CPNE7: variants seen among roughly 807,000 people sequenced by gnomAD.
CPNE7 encodes copine-7.
Under a neutral mutation model 66.5 loss-of-function variants are expected in CPNE7, and 78 were observed. The observed-to-expected ratio is 1.17, with a 90% CI of 0.98 to 1.42. The LOEUF is 1.42. CPNE7 is among the 40% of genes most tolerant of loss of function. The pLI is 0.00. For synonymous variants in CPNE7, 468 were observed against 336.7 expected, an observed-to-expected ratio of 1.39 and a Z score of -4.27; for missense variants, 1,012 against 776.6, an observed-to-expected ratio of 1.30 and a Z score of -3.60.
intron 2 of CPNE7, among the ~76,000 whole-genome samples, chr16:89,579,491 C>T (rs1012085883): frequency 5.3e-5 from 8 of 151,526 alleles, no homozygotes; most frequent in African/African-American, 1.5e-4. Context: ...TCCGATCACC[C>T]GTCACACGGA....
chr16:89,595,768 C>T, intron 14 of CPNE7, 165 bp downstream of exon 14: 2 of 747,426 alleles, frequency 2.7e-6, no homozygotes, highest in Non-Finnish European at 4.8e-6. Context: ...GTATCTGAAG[C>T]CAGGACTTTG....
intron 2 of CPNE7, chr16:89,583,485 T>C (rs1466242676): frequency 6.4e-7 from 1 of 1,553,578 alleles, no homozygotes; most frequent in Non-Finnish European, 8.7e-7. Flanking sequence ...GCTGGCGCCG[T>C]GAGGTGGTGG....
At chr16:89,588,428 C>A (rs1305773255) in intron 9 of CPNE7, among the ~76,000 whole-genome samples, 1 of 152,132 alleles carries the variant, frequency 6.6e-6, no homozygotes, top group African/African-American at 2.4e-5. Flanking sequence ...CCCCACAAGG[C>A]CAGGGTGATC....
rs1171356635 is a variant in CPNE7, at chr16:89,584,629, T to A, written c.508-145T>A. The A allele has an allele frequency of 1.5e-6, 1 of 657,032 alleles. No homozygotes were observed. Among genetic ancestry groups the A allele is most frequent in the African/African-American group, 1.8e-5 (1 of 55,988 alleles). The allele number at this position is 657,032 out of a possible 1,614,324, so 40.7% of individuals were successfully genotyped here. Reference sequence around the variant, plus strand: ...GGCGGGAGGGAGGGACGAGATGCTGTCGGCGGGGACTGGCTGCCTCGTTTT... The same window carrying A: ...GGCGGGAGGGAGGGACGAGATGCTGACGGCGGGGACTGGCTGCCTCGTTTT... On this transcript the variant is annotated intron_variant, in intron 4 of 14. Transcript: ENST00000319518. The surrounding 1 kb of genome is among the most constrained non-coding windows in gnomAD (Gnocchi z 6.0).
rs2059007900 is a variant in CPNE7 at position 89,584,680 on chromosome 16, G to C, written c.508-94G>C. 6 of 875,880 alleles carry C rather than the reference G, an allele frequency of 6.9e-6. No individual in the cohort carries two copies. In the Admixed American group the frequency reaches 1.2e-4, roughly 18 times the overall value. The allele number at this position is 875,880 out of a possible 1,614,324, so 54.3% of individuals were successfully genotyped here. A position where few individuals can be genotyped will look rare whatever the true frequency, so the allele number is the denominator to read the frequency against. ...GTGCCTGAGGAATTAGCGGCTGGTG[G>C]CATGAAGTGAGCCCTGGGAAACGAC... On this transcript the variant is annotated intron_variant, in intron 4 of 14. Transcript: ENST00000319518. This position sits in a 1 kb window ranked among gnomAD's most constrained non-coding sequence, Gnocchi z 6.0.
chr16:89,589,398 T>C (rs2059135982), intron 10 of CPNE7, among the ~76,000 whole-genome samples: 2 of 152,188 alleles, frequency 1.3e-5, no homozygotes, highest in South Asian at 4.1e-4. Context: ...TTTGCCAGAA[T>C]AGCAAACCGA....
At position 89,585,457 on chromosome 16, in the gene CPNE7, C is replaced by A. The variant is rs770889768; in HGVS notation, c.592-7C>A. On this transcript the variant is annotated splice_polypyrimidine_tract_variant and splice_region_variant and intron_variant, in intron 5 of 14. Transcript: ENST00000319518. ...CCTCCCCTGAGCCAGCCCCTCCCGG[C>A]CCACAGGTGGTGAAGAACAACCTGA... 1.2e-6 allele frequency: 2 copies of A among 1,608,106 alleles called. No homozygotes were observed. Among genetic ancestry groups the A allele is most frequent in the African/African-American group, 1.3e-5 (1 of 74,854 alleles).
chr16:89,587,173 G>A (rs1383865145), intron 9 of CPNE7, 71 bp downstream of exon 9: 1 of 625,850 alleles, frequency 1.6e-6, no homozygotes, highest in Non-Finnish European at 2.3e-6. Flanking sequence ...CCCTCAGTCC[G>A]TGGCCCCGCC....
chr16:89,587,050 G>A lies in CPNE7; in HGVS notation c.875G>A (p.Arg292Lys), dbSNP rs1304813383. Reference sequence around the variant, plus strand: ...GACTCCGCCGGCCGGAAGTTCCACAGGGTGTACTCCTTCCTGGACTATATC... The same window carrying A: ...GACTCCGCCGGCCGGAAGTTCCACAAGGTGTACTCCTTCCTGGACTATATC... ...VVVLADLKFH[R>K]VYSFLDYIMG... Residue 292 changes from arginine to lysine, a missense_variant, in exon 9 of 15, where the codon AGG becomes AAG. Arg to Lys is a conservative substitution (Grantham distance 26, BLOSUM62 2). Coordinates refer to ENST00000319518, the MANE Select transcript of CPNE7 (RefSeq NM_153636.3). 1.9e-6 allele frequency: 3 copies of A among 1,580,710 alleles called. No homozygotes were observed. Among genetic ancestry groups the A allele is most frequent in the Middle Eastern group, 1.7e-4 (1 of 5,900 alleles).
intron 8 of CPNE7, 99 bp from the exon 9 acceptor site, chr16:89,586,944 A>G: frequency 7.8e-7 from 1 of 1,277,750 alleles, no homozygotes; most frequent in Non-Finnish European, 1.1e-6. Context: ...GTGGCACCCC[A>G]GAGGGACTGG....
chr16:89,575,831 G>A lies in CPNE7; in HGVS notation c.-67G>A, dbSNP rs1438886700. The A allele has an allele frequency of 1.8e-6, 2 of 1,097,260 alleles. No individual in the cohort carries two copies. Among genetic ancestry groups the A allele is most frequent in the Non-Finnish European group, 2.2e-6 (2 of 896,596 alleles). The allele number at this position is 1,097,260 out of a possible 1,614,324, so 68.0% of individuals were successfully genotyped here. On this transcript the variant is annotated 5_prime_UTR_variant, in exon 1 of 15. Transcript: ENST00000319518. ...GGCCGGCCACCATTTCCCGGGCGCC[G>A]CGGCGGCGCCGACTCGCGGGCAGCG...
intron 9 of CPNE7, chr16:89,587,413 C>G (rs1363114757): frequency 5.9e-6 from 2 of 337,388 alleles, no homozygotes; most frequent in Admixed American, 3.3e-5. Flanking sequence ...TCCCCGTGAG[C>G]CGATGTCTCC....
chr16:89,584,909 C>G lies in CPNE7; in HGVS notation c.591+52C>G. On this transcript the variant is annotated intron_variant, in intron 5 of 14. Coordinates refer to ENST00000319518, the MANE Select transcript of CPNE7 (RefSeq NM_153636.3). This position sits in a 1 kb window ranked among gnomAD's most constrained non-coding sequence, Gnocchi z 6.0. ...GGAGGGGAAGGGGCTGTCCCCAGCCCTCACGCATCTCTGGCCACATGGGAG... is the reference window on the plus strand; with the variant it reads ...GGAGGGGAAGGGGCTGTCCCCAGCCGTCACGCATCTCTGGCCACATGGGAG... 1.3e-6 allele frequency: 2 copies of G among 1,493,846 alleles called. No homozygotes were observed. The highest frequency in any genetic ancestry group is 1.9e-6 in the Non-Finnish European group (2 of 1,076,004). 92.5% of individuals were successfully genotyped at this position (1,493,846 alleles called of 1,614,324 possible). A position where few individuals can be genotyped will look rare whatever the true frequency, so the allele number is the denominator to read the frequency against.
At chr16:89,583,471 G>C (rs142648138) in intron 2 of CPNE7, 3 of 1,551,292 alleles carry the variant, frequency 1.9e-6, no homozygotes, top group Middle Eastern at 1.7e-4. Context: ...TCCCCTGGGC[G>C]ACTGCTGGCG....
chr16:89,582,963 C>T (rs1287016292), intron 2 of CPNE7, among the ~76,000 whole-genome samples: 2 of 152,228 alleles, frequency 1.3e-5, no homozygotes, highest in African/African-American at 4.8e-5. Flanking sequence ...GGGCCGTGTG[C>T]CCCCGTCCTG....
At chr16:89,590,643 C>G (rs903914891) in intron 11 of CPNE7, among the ~76,000 whole-genome samples, 2 of 151,034 alleles carry the variant, frequency 1.3e-5, no homozygotes, top group Non-Finnish European at 2.9e-5. Context: ...AGGTCTGCCT[C>G]CCTCTCTGTT....
Position 89,575,989 on chromosome 16 carries a change from G to C in CPNE7, c.92G>C (p.Arg31Pro), listed in dbSNP as rs1382219326. Reference sequence around the variant, plus strand: ...AAGGTGGAGCTGCGGCTCAGCTGCCGGCACCTGCTGGACCGCGACCCGCTC... The same window carrying C: ...AAGGTGGAGCTGCGGCTCAGCTGCCCGCACCTGCTGGACCGCGACCCGCTC... ...ASKVELRLSC[R>P]HLLDRDPLTK... Residue 31 changes from arginine to proline, a missense_variant, in exon 1 of 15, where the codon CGG becomes CCG. Physicochemically the swap from Arg to Pro is moderately radical, Grantham distance 103. Transcript: ENST00000319518. The C allele has an allele frequency of 7.3e-7, 1 of 1,377,968 alleles. No individual in the cohort carries two copies. Among genetic ancestry groups the C allele is most frequent in the Admixed American group, 3.1e-5 (1 of 31,840 alleles). The allele number at this position is 1,377,968 out of a possible 1,614,324, so 85.4% of individuals were successfully genotyped here.
chr16:89,585,531 G>T lies in CPNE7; in HGVS notation c.659G>T (p.Cys220Phe). ...GTCTCTCTGAGTTCCCTCTGCAGCT[G>T]CGAGGAGACAAGGCCTCTAAAGGTG... ...FKVSLSSLCSCEETRPLKCLV... is the reference protein window; with the variant it reads ...FKVSLSSLCSFEETRPLKCLV... The change falls in exon 6 of 15, where the codon TGC becomes TTC. Residue 220 changes from cysteine to phenylalanine, a missense_variant. By Grantham distance (205) the Cys-to-Phe change is radical (BLOSUM62 -2). Coordinates refer to ENST00000319518, the MANE Select transcript of CPNE7 (RefSeq NM_153636.3). 2 of 1,611,800 alleles carry T rather than the reference G, an allele frequency of 1.2e-6. No homozygotes were observed. Among genetic ancestry groups the T allele is most frequent in the Admixed American group, 1.7e-5 (1 of 59,904 alleles).
chr16:89,593,107 G>A (rs981751023), intron 13 of CPNE7, among the ~76,000 whole-genome samples: 12 of 151,850 alleles, frequency 7.9e-5, no homozygotes, highest in South Asian at 2.1e-4. Context: ...GTGAGCCGCC[G>A]CACCTGGCCT....
Sources: gnomAD v4.1 joint callset for allele counts (sites outside exome capture counted in the v4.1 genomes callset) on GRCh38, gnomAD v4.1.1 for gene constraint, Gnocchi (gnomAD v3.1) non-coding constraint, MANE v1.5 for transcripts, NCBI Gene and HGNC (gene_info 2026-07-23, HGNC 2026-07-21) for gene names.